EGF: variants seen among roughly 807,000 people sequenced by gnomAD.
The protein encoded by EGF is pro-epidermal growth factor.
In EGF, 95 loss-of-function variants were observed where a neutral mutation model predicts 143.8. The observed-to-expected ratio is 0.66, with a 90% confidence interval of 0.56 to 0.78. The LOEUF (loss-of-function observed/expected upper bound fraction) is 0.78, where lower values mean the gene tolerates loss of function less well. EGF is among the 30% of genes least tolerant of loss of function. EGF has a pLI of 0.00. For missense variants in EGF, 1,320 were observed against 1,470.9 expected, an observed-to-expected ratio of 0.90 and a Z score of 1.68; for synonymous variants, 510 against 510.5, an observed-to-expected ratio of 1.00 and a Z score of 0.01.
Position 109,963,261 on chromosome 4 carries a change from T to C in EGF, c.1401T>C (p.Tyr467=), listed in dbSNP as rs1369889393. Residue 467 remains tyrosine (Y), a synonymous_variant, in exon 9 of 24, where the codon TAT becomes TAC. Coordinates refer to ENST00000265171, the MANE Select transcript of EGF (RefSeq NM_001963.6). The part of the protein sequence containing the change: ...VSWECDCFPG[Y]DLQLDEKSCA... ...GGGAATGTGATTGCTTTCCTGGGTA[T>C]GACCTACAACTGGATGAAAAAAGCT... The C allele has an allele frequency of 6.2e-7, 1 of 1,614,068 alleles. No individual in the cohort carries two copies. The highest frequency in any genetic ancestry group is 1.1e-5 in the South Asian group (1 of 91,080).
intron 1 of EGF, among the ~76,000 whole-genome samples, chr4:109,916,574 C>T (rs115489477): frequency 0.013 from 1,976 of 152,050 alleles, 37 homozygotes; most frequent in African/African-American, 0.043. Flanking sequence ...GTGGCCACCC[C>T]GGGCAGTCTG....
intron 20 of EGF, among the ~76,000 whole-genome samples, chr4:109,996,825 G>T (rs1751855150): frequency 6.6e-6 from 1 of 152,188 alleles, no homozygotes; most frequent in Non-Finnish European, 1.5e-5. Context: ...TGCTCAGGAG[G>T]CTCCAAACCT....
At chr4:109,913,972 C>T (rs1196407247) in intron 1 of EGF, among the ~76,000 whole-genome samples, 1 of 152,156 alleles carries the variant, frequency 6.6e-6, no homozygotes, top group East Asian at 1.9e-4. Context: ...TTTCAACCTC[C>T]TTCACTTTCT....
rs1185036292 is a variant in EGF at position 109,960,847 on chromosome 4, G to C, written c.1067-20G>C. The C allele has an allele frequency of 6.2e-7, 1 of 1,613,524 alleles. No individual in the cohort carries two copies. Among genetic ancestry groups the C allele is most frequent in the Non-Finnish European group, 8.5e-7 (1 of 1,179,750 alleles). ...TCAAAAATAGCCATTTGAATGTATTGTGCTGTTGTCATTGTGCAGATGTTA... is the reference window on the plus strand; with the variant it reads ...TCAAAAATAGCCATTTGAATGTATTCTGCTGTTGTCATTGTGCAGATGTTA... On this transcript the variant is annotated intron_variant, in intron 6 of 23. Transcript: ENST00000265171.
At chr4:109,994,508 A>G (rs1386675191) in intron 19 of EGF, among the ~76,000 whole-genome samples, 1 of 152,192 alleles carries the variant, frequency 6.6e-6, no homozygotes, top group East Asian at 1.9e-4. Flanking sequence ...TGCCTCCAAT[A>G]TGCTTTATGT....
chr4:109,919,338 T>TCA (rs1737360330), intron 1 of EGF, among the ~76,000 whole-genome samples: 8 of 119,314 alleles, frequency 6.7e-5, no homozygotes, highest in Non-Finnish European at 1.3e-4. Flanking sequence ...TCTCTCTCTC[T>TCA]CTCATCTCTC....
chr4:109,969,592 T>TA (rs1301119067), intron 11 of EGF, among the ~76,000 whole-genome samples: 2 of 151,930 alleles, frequency 1.3e-5, no homozygotes, highest in East Asian at 3.9e-4. Context: ...TCCCAGAACT[T>TA]AAAATATAAT....
chr4:109,958,503 A>G (rs1160125224), intron 5 of EGF, among the ~76,000 whole-genome samples: 1 of 152,352 alleles, frequency 6.6e-6, no homozygotes, highest in East Asian at 1.9e-4. Flanking sequence ...GGACACTGGC[A>G]GCAATAACTA....
rs373300477 is a variant in EGF, at chr4:109,988,198, T to TTC, written c.2608+339_2608+340insCT. 1.5e-3 allele frequency among the ~76,000 whole-genome samples: 228 copies of TTC among 151,946 alleles called. 2 individuals are homozygous for TTC. Among genetic ancestry groups the TTC allele is most frequent in the Middle Eastern group, 6.8e-3 (2 of 294 alleles). ...AATTCCAATGAAAACACAACTTTTT[T>TTC]TTTTTTTTTTTTACCCCAGAAGCTT... On this transcript the variant is annotated intron_variant, in intron 17 of 23. Coordinates refer to ENST00000265171, the MANE Select transcript of EGF (RefSeq NM_001963.6).
At chr4:109,944,550 T>C (rs1219334434) in intron 4 of EGF, among the ~76,000 whole-genome samples, 3 of 152,254 alleles carry the variant, frequency 2.0e-5, no homozygotes, top group African/African-American at 7.2e-5. Flanking sequence ...AGGATAATCA[T>C]AATATCAGTC....
intron 5 of EGF, among the ~76,000 whole-genome samples, chr4:109,945,552 C>T (rs545848362): frequency 6.6e-6 from 1 of 151,858 alleles, no homozygotes; most frequent in African/African-American, 2.4e-5. Context: ...GCCTGGACAA[C>T]ATAACAAGGC....
intron 1 of EGF, among the ~76,000 whole-genome samples, chr4:109,917,506 T>TAA (rs1297735172): frequency 6.6e-6 from 1 of 152,166 alleles, no homozygotes. Context: ...CTTTTTTTTT[T>TAA]AATTTCAATT....
intron 6 of EGF, among the ~76,000 whole-genome samples, chr4:109,960,291 C>T (rs561013340): frequency 2.6e-5 from 4 of 152,268 alleles, no homozygotes; most frequent in Admixed American, 2.6e-4. Context: ...TATATCTTTT[C>T]AAGGGAAATA....
intron 18 of EGF, among the ~76,000 whole-genome samples, chr4:109,989,858 C>T (rs1434034711): frequency 3.3e-5 from 5 of 152,152 alleles, no homozygotes; most frequent in African/African-American, 9.7e-5. Flanking sequence ...ATGGTTGGCA[C>T]GGAGTCCTCA....
At chr4:109,983,662 C>A in intron 16 of EGF, 121 bp downstream of exon 16, 1 of 1,366,926 alleles carries the variant, frequency 7.3e-7, no homozygotes, top group South Asian at 1.2e-5. Flanking sequence ...GCTAATGAAA[C>A]CAAACCTTGG....
chr4:109,985,661 G>C (rs1578346663), intron 16 of EGF, among the ~76,000 whole-genome samples: 1 of 152,188 alleles, frequency 6.6e-6, no homozygotes, highest in East Asian at 1.9e-4. Context: ...CCGGGCTAGG[G>C]CTGCCTATTA....
chr4:109,956,082 G>C (rs1341907631), intron 5 of EGF, among the ~76,000 whole-genome samples: 1 of 152,166 alleles, frequency 6.6e-6, no homozygotes, highest in Non-Finnish European at 1.5e-5. Flanking sequence ...AGTAATTAAG[G>C]TTTGATAATC....
At chr4:109,917,860 T>C (rs563771978) in intron 1 of EGF, among the ~76,000 whole-genome samples, 11 of 152,244 alleles carry the variant, frequency 7.2e-5, no homozygotes, top group Non-Finnish European at 1.3e-4. Flanking sequence ...CCTCAAGTGA[T>C]CAGCCCACCT....
intron 9 of EGF, 128 bp downstream of exon 9, chr4:109,963,426 TG>T: frequency 8.4e-7 from 1 of 1,186,672 alleles, no homozygotes; most frequent in Non-Finnish European, 1.2e-6. Flanking sequence ...CAAATCACAT[TG>T]TAAATATGAA....
Sources: allele counts gnomAD v4.1 joint callset (sites outside exome capture counted in the v4.1 genomes callset), GRCh38; gene constraint gnomAD v4.1.1; transcripts MANE v1.5; gene names NCBI Gene and HGNC (gene_info 2026-07-23, HGNC 2026-07-21).